Variants in PRKCA observed in about 807,000 individuals in gnomAD.
The protein encoded by PRKCA is protein kinase C alpha.
In PRKCA, 27 loss-of-function variants were observed where a neutral mutation model predicts 87.0. The observed-to-expected ratio is 0.31, with a 90% CI of 0.23 to 0.43. PRKCA has a LOEUF of 0.43. Among genes scored for constraint, PRKCA ranks in the 20% least tolerant of loss-of-function variants. The pLI, the probability that PRKCA is intolerant of heterozygous loss-of-function variation, is 1.00. For synonymous variants in PRKCA, 329 were observed against 311.1 expected, an observed-to-expected ratio of 1.06 and a Z score of -0.61; for missense variants, 518 against 852.3, an observed-to-expected ratio of 0.61 and a Z score of 4.88.
At chr17:66,358,210 C>T (rs1461331492) in intron 2 of PRKCA, among the ~76,000 whole-genome samples, 1 of 151,726 alleles carries the variant, frequency 6.6e-6, no homozygotes, top group African/African-American at 2.4e-5. Context: ...GGATTTGACG[C>T]ACTGAGGTTT....
At chr17:66,802,537 G>A (rs1234278062) in intron 16 of PRKCA, among the ~76,000 whole-genome samples, 8 of 151,608 alleles carry the variant, frequency 5.3e-5, no homozygotes, top group Non-Finnish European at 1.0e-4. Context: ...AAAAAAAAAC[G>A]AAAGTAGGTT....
intron 3 of PRKCA, among the ~76,000 whole-genome samples, chr17:66,557,705 C>A (rs1466725783): frequency 3.3e-5 from 5 of 152,182 alleles, no homozygotes; most frequent in Non-Finnish European, 7.3e-5. Flanking sequence ...TTTTCTTCAG[C>A]AATACTATCA....
chr17:66,378,065 G>A (rs1451158370), intron 2 of PRKCA, among the ~76,000 whole-genome samples: 1 of 152,182 alleles, frequency 6.6e-6, no homozygotes, highest in East Asian at 1.9e-4. Context: ...GCTTACGCCT[G>A]TAATCCCAGC....
chr17:66,671,659 G>A (rs1972188504), intron 5 of PRKCA, among the ~76,000 whole-genome samples: 1 of 152,178 alleles, frequency 6.6e-6, no homozygotes, highest in African/African-American at 2.4e-5. Context: ...GAAAAAGGAT[G>A]GGCAGTGATT....
rs1567858677 is a variant in PRKCA at position 66,496,294 on chromosome 17, C to T, written c.288+11C>T. The T allele has an allele frequency of 2.5e-6, 4 of 1,601,642 alleles. No individual in the cohort carries two copies. The highest frequency in any genetic ancestry group is 3.4e-6 in the Non-Finnish European group (4 of 1,170,992). On this transcript the variant is annotated intron_variant, in intron 3 of 16. Transcript: ENST00000413366. ...GGACCCGACACTGATGTAAGTAGTC[C>T]TGAAATCATGATTTGATGTCAATGT...
intron 2 of PRKCA, among the ~76,000 whole-genome samples, chr17:66,484,939 A>G (rs986366259): frequency 1.3e-5 from 2 of 150,862 alleles, no homozygotes; most frequent in African/African-American, 4.9e-5. Flanking sequence ...TAGGACATAC[A>G]CCTTGGCTTT....
At chr17:66,317,148 A>C (rs1223193861) in intron 2 of PRKCA, among the ~76,000 whole-genome samples, 1 of 152,032 alleles carries the variant, frequency 6.6e-6, no homozygotes, top group Non-Finnish European at 1.5e-5. Flanking sequence ...TCTCAAAAAA[A>C]AAAAAAAAAA....
chr17:66,702,574 C>T (rs932626993), intron 8 of PRKCA, among the ~76,000 whole-genome samples: 3 of 152,080 alleles, frequency 2.0e-5, no homozygotes, highest in Non-Finnish European at 2.9e-5. Flanking sequence ...TAAAGATTCT[C>T]ACCACACACA....
chr17:66,305,040 G>A (rs1904737435), intron 1 of PRKCA, among the ~76,000 whole-genome samples: 1 of 152,120 alleles, frequency 6.6e-6, no homozygotes, highest in Non-Finnish European at 1.5e-5. Context: ...CTGAAGAGGC[G>A]CTCAGGTCAC....
At chr17:66,720,190 G>A (rs546516237) in intron 8 of PRKCA, among the ~76,000 whole-genome samples, 37 of 152,340 alleles carry the variant, frequency 2.4e-4, no homozygotes, top group Admixed American at 1.8e-3. Flanking sequence ...AGGGAGCCTC[G>A]GGGCTAAAGC....
intron 2 of PRKCA, among the ~76,000 whole-genome samples, chr17:66,467,489 T>G (rs563709721): frequency 6.6e-6 from 1 of 152,342 alleles, no homozygotes; most frequent in East Asian, 1.9e-4. Flanking sequence ...CATTTTTTTT[T>G]GCAGAAAAAC....
chr17:66,681,579 A>G lies in PRKCA; in HGVS notation c.530-5532A>G, dbSNP rs560309031. On this transcript the variant is annotated intron_variant, in intron 5 of 16. Coordinates refer to ENST00000413366, the MANE Select transcript of PRKCA (RefSeq NM_002737.3). ...CTCTTCTAATGCTTTGCGTATATCA[A>G]TTCACTTAGTTCCACAGCAACCCTA... 9.2e-5 allele frequency among the ~76,000 whole-genome samples: 14 copies of G among 152,310 alleles called. 1 individual carries two copies. The South Asian group carries it at 1.9e-3, about 20-fold the overall frequency.
chr17:66,605,013 C>T (rs1970166050), intron 3 of PRKCA, among the ~76,000 whole-genome samples: 1 of 152,180 alleles, frequency 6.6e-6, no homozygotes, highest in South Asian at 2.1e-4. Context: ...AGCATCCCTT[C>T]CTCCATGACC....
rs1976115214 is a variant in PRKCA, at chr17:66,809,454, A to G, written c.*5417A>G. ...TAATTCCAGTAGAGCAACTGAATAT[A>G]CTGGGCTATTTGTACTTTTTTATAG... is the stretch of plus-strand genomic sequence containing the variant. On this transcript the variant is annotated 3_prime_UTR_variant, in exon 17 of 17. Coordinates refer to ENST00000413366, the MANE Select transcript of PRKCA (RefSeq NM_002737.3). 6.6e-6 allele frequency: 1 copy of G among 152,564 alleles called. No individual in the cohort carries two copies. The highest frequency in any genetic ancestry group is 2.4e-5 in the African/African-American group (1 of 41,452). 9.5% of individuals were successfully genotyped at this position (152,564 alleles called of 1,614,324 possible).
chr17:66,799,748 A>G (rs900481140), intron 16 of PRKCA, among the ~76,000 whole-genome samples: 1 of 151,728 alleles, frequency 6.6e-6, no homozygotes, highest in African/African-American at 2.4e-5. Flanking sequence ...GTAGTTCAAG[A>G]TCTTCTCCAG....
At chr17:66,463,820 GTCA>G (rs1339714088) in intron 2 of PRKCA, among the ~76,000 whole-genome samples, 1 of 152,150 alleles carries the variant, frequency 6.6e-6, no homozygotes, top group African/African-American at 2.4e-5. Context: ...CATCCCCACT[GTCA>G]TCATCCCTCA....
chr17:66,751,281 A>T (rs954349650), intron 13 of PRKCA, among the ~76,000 whole-genome samples: 6 of 152,204 alleles, frequency 3.9e-5, no homozygotes, highest in African/African-American at 1.4e-4. Context: ...GGTATTATTC[A>T]TGCTTTACAA....
intron 5 of PRKCA, among the ~76,000 whole-genome samples, chr17:66,682,227 G>T (rs1035743725): frequency 2.6e-5 from 4 of 152,192 alleles, no homozygotes; most frequent in African/African-American, 4.8e-5. Context: ...AGAAATGACA[G>T]GTTACATGAT....
chr17:66,666,324 C>A (rs766773792), intron 5 of PRKCA, among the ~76,000 whole-genome samples: 2 of 152,232 alleles, frequency 1.3e-5, no homozygotes, highest in South Asian at 2.1e-4. Context: ...AAGTTAGAGG[C>A]GGCTGCTGTG....
Sources: gnomAD v4.1 joint callset for allele counts (sites outside exome capture counted in the v4.1 genomes callset) on GRCh38, gnomAD v4.1.1 for gene constraint, MANE v1.5 for transcripts, NCBI Gene and HGNC (gene_info 2026-07-23, HGNC 2026-07-21) for gene names.